The following NEB variants were observed in gnomAD, a reference collection of about 807,000 sequenced individuals.
NEB encodes nemaline myopathy type 2.
NEB carries 512 observed loss-of-function variants against 952.2 expected under a neutral mutation model. The observed-to-expected ratio is 0.54, with a 90% CI of 0.50 to 0.58. The LOEUF (loss-of-function observed/expected upper bound fraction) is 0.58, where lower values mean the gene tolerates loss of function less well. Ranked by LOEUF, NEB falls within the 20% of genes least tolerant of loss-of-function variation. NEB has a pLI of 0.00. For synonymous variants in NEB, 2,900 were observed against 3,149.8 expected (o/e 0.92, Z 2.66); for missense variants, 8,428 against 9,231.1 (o/e 0.91, Z 3.56).
Position 151,656,230 on chromosome 2 carries a change from G to C in NEB, c.6418C>G (p.Leu2140Val), listed in dbSNP as rs1230696142. The change falls in exon 49 of 182, where the codon CTG becomes GTG. Residue 2140 changes from leucine (L) to valine (V), a missense_variant. Leu to Val is a conservative substitution (Grantham distance 32). This residue lies in a region of NEB where 2,851 missense variants were observed against 2,791.5 expected (regional missense o/e 1.02). Coordinates refer to ENST00000397345, the MANE Select transcript of NEB (RefSeq NM_001164508.2). ...ANITNTNYKH[L>V]IHKYILLPDA... is the part of the protein sequence containing the mutation. Reference sequence around the variant, plus strand: ...GGAAGGAGGATGTACTTGTGAATCAGGTGCTTGTAGTTAGTGTTGGTGATG... The same window carrying C: ...GGAAGGAGGATGTACTTGTGAATCACGTGCTTGTAGTTAGTGTTGGTGATG... 2 of 1,613,150 alleles carry C rather than the reference G, an allele frequency of 1.2e-6. No homozygotes were observed. Among genetic ancestry groups the C allele is most frequent in the African/African-American group, 1.3e-5 (1 of 74,870 alleles).
intron 4 of NEB, among the ~76,000 whole-genome samples, 161 bp downstream of exon 4, chr2:151,729,454 A>T (rs1021967825): frequency 6.6e-6 from 1 of 152,202 alleles, no homozygotes; most frequent in African/African-American, 2.4e-5. Flanking sequence ...CAAACAGGTA[A>T]TGTTTGTGCT....
chr2:151,687,547 C>A lies in NEB; in HGVS notation c.2524-15G>T, dbSNP rs151206071. 6.5e-4 allele frequency: 1,041 copies of A among 1,612,810 alleles called. 13 individuals are homozygous for A. The East Asian group carries it at 0.018, about 28-fold the overall frequency. On this transcript the variant is annotated splice_polypyrimidine_tract_variant and intron_variant, in intron 26 of 181. Coordinates refer to ENST00000397345, the MANE Select transcript of NEB (RefSeq NM_001164508.2). ...TTGTACATCACCTGCAAAGACATCA[C>A]ACATGCCAGATCCCACTCACCAGGA...
intron 107 of NEB, among the ~76,000 whole-genome samples, chr2:151,571,411 TA>T (rs2096624237): frequency 6.6e-6 from 1 of 152,260 alleles, no homozygotes; most frequent in African/African-American, 2.4e-5. Context: ...GGTGTATTGG[TA>T]ACATTGAGAT....
chr2:151,648,729 A>T (rs1217135371), intron 54 of NEB, among the ~76,000 whole-genome samples: 1 of 152,208 alleles, frequency 6.6e-6, no homozygotes, highest in East Asian at 1.9e-4. Context: ...ATATTTCTAG[A>T]TGTTGCTAAA....
At chr2:151,555,829 C>A (rs1318143267) in intron 124 of NEB, among the ~76,000 whole-genome samples, 1 of 150,578 alleles carries the variant, frequency 6.6e-6, no homozygotes, top group African/African-American at 2.4e-5. Context: ...TACATCTAAT[C>A]TATTTCTCAG....
At chr2:151,629,113 G>A (rs1367859537) in intron 68 of NEB, among the ~76,000 whole-genome samples, 1 of 152,056 alleles carries the variant, frequency 6.6e-6, no homozygotes, top group Non-Finnish European at 1.5e-5. Context: ...GCAGATTTGG[G>A]GAAAGGTGGA....
Position 151,561,108 on chromosome 2 carries a change from C to G in NEB, c.19102G>C (p.Val6368Leu). 6.3e-7 allele frequency: 1 copy of G among 1,575,758 alleles called. No homozygotes were observed. ...AVQSGINASEVKYKENYHQIK... is the reference protein window; with the variant it reads ...AVQSGINASELKYKENYHQIK... Reference sequence around the variant, plus strand: ...TGATGATAATTTTCTTTATATTTTACCTGTAGACAAGCAACAATAGGTTAT... The same window carrying G: ...TGATGATAATTTTCTTTATATTTTAGCTGTAGACAAGCAACAATAGGTTAT... Residue 6368 changes from valine (V) to leucine (L), a missense_variant and splice_region_variant, in exon 123 of 182, where the codon GTA (valine) becomes CTA (leucine). Physicochemically the swap from Val to Leu is conservative, Grantham distance 32. Transcript: ENST00000397345.
At chr2:151,725,424 C>G (rs200433731) in intron 6 of NEB, 29 bp downstream of exon 6, 1 of 1,562,092 alleles carries the variant, frequency 6.4e-7, no homozygotes, top group East Asian at 2.2e-5. Context: ...TGAAATGTCC[C>G]TCTCCTTTAT....
intron 135 of NEB, among the ~76,000 whole-genome samples, chr2:151,544,119 C>T (rs2094431967): frequency 6.6e-6 from 1 of 152,122 alleles, no homozygotes; most frequent in African/African-American, 2.4e-5. Context: ...CTGGGTCATT[C>T]TTATGGAGAG....
chr2:151,695,516 A>G, intron 18 of NEB, 62 bp downstream of exon 18: 1 of 1,134,476 alleles, frequency 8.8e-7, no homozygotes, highest in Non-Finnish European at 1.3e-6. Flanking sequence ...GCAACAAAGC[A>G]GTTCAAACAT....
chr2:151,727,599 A>C, intron 5 of NEB, 92 bp downstream of exon 5: 1 of 1,313,968 alleles, frequency 7.6e-7, no homozygotes, highest in Non-Finnish European at 1.0e-6. Context: ...AGGTTTGAGA[A>C]ACAAATCCAG....
rs542546078 is a variant in NEB at position 151,548,456 on chromosome 2, C to A, written c.20050-41G>T. On this transcript the variant is annotated intron_variant, in intron 130 of 181. Coordinates refer to ENST00000397345, the MANE Select transcript of NEB (RefSeq NM_001164508.2). ...CAGAATGAGATCAATGATGGGTAAA[C>A]AAGGACCAACATTACATTTCTCCAA... 52 of 1,261,968 alleles carry A rather than the reference C, an allele frequency of 4.1e-5. No individual in the cohort carries two copies. In the South Asian group the frequency reaches 4.8e-4, roughly 12 times the overall value. The allele number at this position is 1,261,968 out of a possible 1,614,324, so 78.2% of individuals were successfully genotyped here.
intron 10 of NEB, among the ~76,000 whole-genome samples, chr2:151,714,194 C>A (rs2099753158): frequency 6.6e-6 from 1 of 152,136 alleles, no homozygotes; most frequent in Admixed American, 6.5e-5. Context: ...CCGGACCTAC[C>A]AAAGAAGAAA....
chr2:151,727,958 A>T, intron 4 of NEB, 52 bp from the exon 5 acceptor site: 1 of 1,397,950 alleles, frequency 7.2e-7, no homozygotes, highest in Admixed American at 1.8e-5. Flanking sequence ...AAACTGTGCT[A>T]CTGTGATCTT....
chr2:151,730,521 C>G (rs553292905), intron 3 of NEB, among the ~76,000 whole-genome samples: 1 of 150,718 alleles, frequency 6.6e-6, no homozygotes, highest in Non-Finnish European at 1.5e-5. Flanking sequence ...TCCTTAGCCT[C>G]ACCCTGCTCT....
chr2:151,536,041 G>A (rs1418053248), intron 141 of NEB, among the ~76,000 whole-genome samples: 1 of 152,068 alleles, frequency 6.6e-6, no homozygotes, highest in Non-Finnish European at 1.5e-5. Context: ...CAAGTAGGTG[G>A]GACTACAGGT....
At chr2:151,576,401 T>C (rs1413807691) in intron 105 of NEB, 47 bp from the exon 106 acceptor site, 10 of 1,422,448 alleles carry the variant, frequency 7.0e-6, no homozygotes, top group South Asian at 3.0e-5. Flanking sequence ...TTTTGTTGTG[T>C]ATGTGTGTGG....
intron 65 of NEB, among the ~76,000 whole-genome samples, chr2:151,633,065 T>A: frequency 6.6e-6 from 1 of 152,206 alleles, no homozygotes; most frequent in Non-Finnish European, 1.5e-5. Flanking sequence ...GTGCTTTAAT[T>A]CCTTCAAAGT....
At chr2:151,631,659 CAG>C (rs1037962562) in intron 65 of NEB, among the ~76,000 whole-genome samples, 10 of 152,142 alleles carry the variant, frequency 6.6e-5, no homozygotes, top group African/African-American at 1.9e-4. Flanking sequence ...CCCAGAGAGA[CAG>C]AAACCACACC....
Sources: allele counts gnomAD v4.1 joint callset (sites outside exome capture counted in the v4.1 genomes callset), GRCh38; gene constraint gnomAD v4.1.1; regional missense constraint gnomAD v4.1.1; transcripts MANE v1.5; gene names NCBI Gene and HGNC (gene_info 2026-07-23, HGNC 2026-07-21).